Variants in TCTN3 observed in about 807,000 individuals in gnomAD.
TCTN3 encodes tectonic-3.
In TCTN3, 57 loss-of-function variants were observed where a neutral mutation model predicts 71.3. That is an observed-to-expected ratio of 0.80 (90% CI 0.65 to 1.00). The LOEUF (loss-of-function observed/expected upper bound fraction) is 1.00. TCTN3 is among the 50% of genes least tolerant of loss of function. TCTN3 has a pLI of 0.00. For synonymous variants in TCTN3, 258 were observed against 267.8 expected (o/e 0.96, Z 0.36); for missense variants, 696 against 719.9 (o/e 0.97, Z 0.38).
chr10:95,678,533 CAAAA>C (rs71034346), intron 13 of TCTN3, among the ~76,000 whole-genome samples: 8 of 103,676 alleles, frequency 7.7e-5, no homozygotes, highest in Admixed American at 2.0e-4. Context: ...AACACTGTCT[CAAAA>C]AAAAAAAAAA....
At chr10:95,665,818 A>G (rs529563331) in intron 13 of TCTN3, among the ~76,000 whole-genome samples, 12 of 151,824 alleles carry the variant, frequency 7.9e-5, no homozygotes, top group Non-Finnish European at 1.8e-4. Context: ...TAATCTTGCT[A>G]TGTTGCCCAG....
chr10:95,681,372 G>A (rs1035302791), intron 12 of TCTN3, among the ~76,000 whole-genome samples: 1 of 152,036 alleles, frequency 6.6e-6, no homozygotes, highest in Non-Finnish European at 1.5e-5. Flanking sequence ...CATGGCACCT[G>A]GCTTCCTTGA....
At chr10:95,688,153 C>T (rs1933167) in intron 3 of TCTN3, among the ~76,000 whole-genome samples, 53,868 of 151,740 alleles carry the variant, frequency 0.36, 10,170 homozygotes, top group East Asian at 0.7. Context: ...CTTTGGGAGG[C>T]CGAGGCAGGT....
intron 13 of TCTN3, among the ~76,000 whole-genome samples, chr10:95,668,255 CAAAAA>C (rs374400684): frequency 4.2e-5 from 5 of 120,134 alleles, no homozygotes; most frequent in Admixed American, 8.8e-5. Flanking sequence ...ATAGGAGTGC[CAAAAA>C]AAAAAAAAAA....
chr10:95,670,892 G>C (rs2097930542), intron 13 of TCTN3, among the ~76,000 whole-genome samples: 1 of 152,238 alleles, frequency 6.6e-6, no homozygotes, highest in East Asian at 1.9e-4. Context: ...CGAATTCCTA[G>C]GCTCAAGTGA....
intron 3 of TCTN3, 56 bp downstream of exon 3, chr10:95,692,864 C>G (rs990337584): frequency 4.6e-5 from 62 of 1,360,338 alleles, no homozygotes; most frequent in Non-Finnish European, 5.6e-5. Context: ...CCAGGGAAGA[C>G]AAAATATAAC....
chr10:95,683,904 A>G (rs1484187322), intron 9 of TCTN3, among the ~76,000 whole-genome samples: 9 of 152,206 alleles, frequency 5.9e-5, no homozygotes, highest in Non-Finnish European at 1.2e-4. Context: ...CTTAAAAATT[A>G]CTAGCAATTT....
intron 8 of TCTN3, 105 bp from the exon 9 acceptor site, chr10:95,684,729 C>T (rs1293303841): frequency 1.7e-6 from 2 of 1,197,950 alleles, no homozygotes; most frequent in Non-Finnish European, 2.3e-6. Context: ...CTAAATGAGG[C>T]AGACTGAAAC....
intron 13 of TCTN3, among the ~76,000 whole-genome samples, chr10:95,665,019 T>C (rs769819001): frequency 1.3e-5 from 2 of 152,230 alleles, no homozygotes; most frequent in Non-Finnish European, 2.9e-5. Context: ...CTGATGAACA[T>C]ATTATGCATT....
In TCTN3 at chr10:95,688,401, AAAAAAAAAAAAAAAAAAG is replaced by A. The variant is rs1352183296; in HGVS notation, c.500-700_500-683del. ...GCGAAACTCTGTCAAAAAAAAGAAAAAAAAAAAAAAAAAAAAAGAAAAAAAAAGAAAATAGGAAGCTCG... is the reference window on the plus strand; with the variant it reads ...GCGAAACTCTGTCAAAAAAAAGAAAAAAAAAAAAAGAAAATAGGAAGCTCG... On this transcript the variant is annotated intron_variant, in intron 3 of 13. Coordinates refer to ENST00000371217, the MANE Select transcript of TCTN3 (RefSeq NM_015631.6). 1.6e-3 allele frequency among the ~76,000 whole-genome samples: 215 copies of A among 136,380 alleles called. 2 individuals carry two copies. Among genetic ancestry groups the A allele is most frequent in the African/African-American group, 5.4e-3 (209 of 38,480 alleles). 89.5% of individuals were successfully genotyped at this position (136,380 alleles called of 152,430 possible). A position where few individuals can be genotyped will look rare whatever the true frequency, so the allele number is the denominator to read the frequency against.
intron 13 of TCTN3, among the ~76,000 whole-genome samples, chr10:95,669,553 G>T (rs185834886): frequency 6.6e-6 from 1 of 152,114 alleles, no homozygotes; most frequent in African/African-American, 2.4e-5. Flanking sequence ...ACACAGATTA[G>T]AACTGTTCAC....
intron 13 of TCTN3, among the ~76,000 whole-genome samples, chr10:95,679,655 G>A (rs1470404517): frequency 6.8e-6 from 1 of 146,728 alleles, no homozygotes; most frequent in African/African-American, 2.5e-5. Context: ...GCAGTGGCGG[G>A]ATCTCGGCTC....
intron 13 of TCTN3, among the ~76,000 whole-genome samples, chr10:95,670,020 C>T (rs1344252691): frequency 7.3e-6 from 1 of 136,102 alleles, no homozygotes; most frequent in South Asian, 2.3e-4. Context: ...GCCGAGATTG[C>T]GCCACTGCAC....
At position 95,663,797 on chromosome 10, in the gene TCTN3, G is replaced by T. The variant is rs1044380537; in HGVS notation, c.*270C>A. 35 of 373,410 alleles carry T rather than the reference G, an allele frequency of 9.4e-5. No homozygotes were observed. The South Asian group carries it at 1.1e-3, about 12-fold the overall frequency. 23.1% of individuals were successfully genotyped at this position (373,410 alleles called of 1,614,324 possible). A position where few individuals can be genotyped will look rare whatever the true frequency, so the allele number is the denominator to read the frequency against. On this transcript the variant is annotated 3_prime_UTR_variant, in exon 14 of 14. Transcript: ENST00000371217. ...GTGTAACATAACCAGAAAGGCTGAA[G>T]GAAGGCTCTTGGCCTTCCCAGCTTG...
chr10:95,674,419 A>C lies in TCTN3; in HGVS notation c.1590+6053T>G, dbSNP rs368510036. 4.9e-4 allele frequency among the ~76,000 whole-genome samples: 75 copies of C among 152,232 alleles called. 2 individuals carry two copies. The East Asian group carries it at 0.014, about 28-fold the overall frequency. ...TAAAGAATATAAATAAAAATAATAAAACCATATTTCTACCGCTAAGAATAC... is the reference window on the plus strand; with the variant it reads ...TAAAGAATATAAATAAAAATAATAACACCATATTTCTACCGCTAAGAATAC... On this transcript the variant is annotated intron_variant, in intron 13 of 13. Coordinates refer to ENST00000371217, the MANE Select transcript of TCTN3 (RefSeq NM_015631.6).
rs886272698 is a variant in TCTN3, at chr10:95,663,904, T to G, written c.*163A>C. The G allele has an allele frequency of 7.9e-6, 5 of 629,960 alleles. No individual in the cohort carries two copies. The highest frequency in any genetic ancestry group is 8.5e-4 in the Middle Eastern group (2 of 2,352). 39.0% of individuals were successfully genotyped at this position (629,960 alleles called of 1,614,324 possible). ...TGATGAATAAAATATTTTTATTGCTTTTCTAAAATAACTCCTTTCATATAC... is the reference window on the plus strand; with the variant it reads ...TGATGAATAAAATATTTTTATTGCTGTTCTAAAATAACTCCTTTCATATAC... On this transcript the variant is annotated 3_prime_UTR_variant, in exon 14 of 14. Transcript: ENST00000371217.
chr10:95,669,127 G>A (rs2097928421), intron 13 of TCTN3, among the ~76,000 whole-genome samples: 1 of 152,210 alleles, frequency 6.6e-6, no homozygotes, highest in Admixed American at 6.5e-5. Context: ...CACTGGCAGA[G>A]TAGTGGGGGG....
intron 3 of TCTN3, among the ~76,000 whole-genome samples, chr10:95,690,635 C>G (rs996721593): frequency 6.6e-6 from 1 of 152,116 alleles, no homozygotes; most frequent in Non-Finnish European, 1.5e-5. Context: ...GGGTCAAGTA[C>G]AGAGTAATGC....
At chr10:95,682,064 A>C (rs1480149581) in intron 12 of TCTN3, among the ~76,000 whole-genome samples, 2 of 152,028 alleles carry the variant, frequency 1.3e-5, no homozygotes, top group African/African-American at 4.8e-5. Flanking sequence ...GCATGCTGGC[A>C]TGTGCCTGTG....
Sources: allele counts gnomAD v4.1 joint callset (sites outside exome capture counted in the v4.1 genomes callset), GRCh38; gene constraint gnomAD v4.1.1; transcripts MANE v1.5; gene names NCBI Gene and HGNC (gene_info 2026-07-23, HGNC 2026-07-21).